The following ACSL4 variants were observed in gnomAD, a reference collection of about 807,000 sequenced individuals.
ACSL4 encodes long-chain-fatty-acid--CoA ligase 4.
ACSL4 carries 9 observed loss-of-function variants against 49.1 expected under a neutral mutation model. That is an observed-to-expected ratio of 0.18 (90% CI 0.11 to 0.32). The LOEUF (loss-of-function observed/expected upper bound fraction) is 0.32. Ranked by LOEUF, ACSL4 falls within the 10% of genes least tolerant of loss-of-function variation. The pLI is 1.00. For synonymous variants in ACSL4, 191 were observed against 170.3 expected (o/e 1.12, Z -0.95); for missense variants, 333 against 493.7 (o/e 0.67, Z 3.08).
At position 109,703,516 on chromosome X, in the gene ACSL4, C is replaced by T. The variant is rs143406601; in HGVS notation, c.-65-7320G>A. Among the ~76,000 whole-genome samples the T allele has an allele frequency of 4.4e-3, 488 of 111,550 alleles. 4 individuals carry two copies. The highest frequency in any genetic ancestry group is 0.014 in the African/African-American group (423 of 30,723). On this transcript the variant is annotated intron_variant, in intron 1 of 15. Coordinates refer to ENST00000672401, the MANE Select transcript of ACSL4 (RefSeq NM_001318510.2). Reference sequence around the variant, plus strand: ...AAAGAATATAGTTTCATATTCCCACCGGCAGTATATTAATATGCCCATTTC... The same window carrying T: ...AAAGAATATAGTTTCATATTCCCACTGGCAGTATATTAATATGCCCATTTC...
intron 4 of ACSL4, 92 bp downstream of exon 4, chrX:109,682,627 A>C (rs1036313155): frequency 1.9e-6 from 2 of 1,046,017 alleles, no homozygotes; most frequent in African/African-American, 3.7e-5. Context: ...TGGCTAAACA[A>C]CACCTACTGT....
intron 8 of ACSL4, 133 bp downstream of exon 8, chrX:109,677,855 T>C (rs1278482338): frequency 1.2e-6 from 1 of 834,230 alleles, no homozygotes; most frequent in African/African-American, 2.0e-5. Context: ...AGCTACATAT[T>C]GTTCATGGAA....
chrX:109,692,008 G>A (rs1206436088), intron 2 of ACSL4: 1 of 111,846 alleles, frequency 8.9e-6, no homozygotes, highest in Admixed American at 9.5e-5. Flanking sequence ...TCTCTCACAA[G>A]ATAAACTGAA....
intron 1 of ACSL4, among the ~76,000 whole-genome samples, chrX:109,711,187 T>C (rs1399175286): frequency 8.9e-6 from 1 of 112,449 alleles, no homozygotes; most frequent in Non-Finnish European, 1.9e-5. Context: ...AGCCTCAGAG[T>C]TGCATATCAA....
At chrX:109,646,304 C>A (rs1360636812) in intron 15 of ACSL4, among the ~76,000 whole-genome samples, 2 of 111,994 alleles carry the variant, frequency 1.8e-5, no homozygotes, top group African/African-American at 6.5e-5. Context: ...GGAAGCCCAT[C>A]AGACTAACAG....
intron 14 of ACSL4, 32 bp from the exon 15 acceptor site, chrX:109,659,543 A>T (rs763482802): frequency 1.9e-6 from 2 of 1,042,729 alleles, no homozygotes; most frequent in Middle Eastern, 2.5e-4. Flanking sequence ...TAGAAATGAA[A>T]ACATTGAGAA....
At chrX:109,649,972 A>G (rs1481371398) in intron 15 of ACSL4, among the ~76,000 whole-genome samples, 4 of 109,267 alleles carry the variant, frequency 3.7e-5, no homozygotes, top group Admixed American at 9.8e-5. Flanking sequence ...CAAAACCACA[A>G]TGAGATACCA....
rs2147386465 is a variant in ACSL4, at chrX:109,659,337, A to G, written c.1855+17T>C. Reference sequence around the variant, plus strand: ...TGACTTTTAGGGACTATACCAGTCTAGCAATTTCTTACTTACTGGCATTTG... The same window carrying G: ...TGACTTTTAGGGACTATACCAGTCTGGCAATTTCTTACTTACTGGCATTTG... On this transcript the variant is annotated intron_variant, in intron 15 of 15. Coordinates refer to ENST00000672401, the MANE Select transcript of ACSL4 (RefSeq NM_001318510.2). 3.3e-6 allele frequency: 4 copies of G among 1,202,539 alleles called. No homozygotes were observed. The East Asian group carries it at 1.2e-4, about 36-fold the overall frequency.
chrX:109,653,688 A>G (rs1921365586), intron 15 of ACSL4, among the ~76,000 whole-genome samples: 1 of 109,891 alleles, frequency 9.1e-6, no homozygotes, highest in African/African-American at 3.3e-5. Context: ...CATCATTCTC[A>G]GTAAACTATC....
At chrX:109,696,934 C>G (rs1261241766) in intron 1 of ACSL4, among the ~76,000 whole-genome samples, 1 of 111,601 alleles carries the variant, frequency 9.0e-6, no homozygotes, top group Non-Finnish European at 1.9e-5. Flanking sequence ...GTCCCAACTA[C>G]TCAGGAGGCT....
At chrX:109,702,199 T>C (rs1258640841) in intron 1 of ACSL4, among the ~76,000 whole-genome samples, 1 of 110,699 alleles carries the variant, frequency 9.0e-6, no homozygotes, top group African/African-American at 3.3e-5. Flanking sequence ...TGGGCGACAA[T>C]GGCAAACCTC....
Position 109,644,021 on chromosome X carries a change from A to G in ACSL4, c.*8T>C. The G allele has an allele frequency of 8.3e-7, 1 of 1,211,370 alleles. No homozygotes were observed. Among genetic ancestry groups the G allele is most frequent in the Non-Finnish European group, 1.1e-6 (1 of 895,031 alleles). On this transcript the variant is annotated 3_prime_UTR_variant, in exon 16 of 16. Transcript: ENST00000672401. ...CTCCTGCACAACTGTCAATAAGACA[A>G]CAACATTTTATTTGCCCCCATACAT...
chrX:109,729,054 C>CA (rs34694513), intron 1 of ACSL4, among the ~76,000 whole-genome samples: 40,554 of 91,871 alleles, frequency 0.44, 7,913 homozygotes, highest in Middle Eastern at 0.64. Context: ...ACTAAAAATA[C>CA]AAAAAAAAAA....
intron 15 of ACSL4, 128 bp downstream of exon 15, chrX:109,659,226 T>C: frequency 1.6e-6 from 1 of 617,367 alleles, no homozygotes; most frequent in Middle Eastern, 3.7e-4. Context: ...CCATTATACA[T>C]ATTTAAGAAA....
Position 109,669,051 on chromosome X carries a change from A to G in ACSL4, c.1125T>C (p.Asp375=). The G allele has an allele frequency of 8.3e-7, 1 of 1,206,019 alleles. No individual in the cohort carries two copies. The highest frequency in any genetic ancestry group is 2.4e-4 in the Middle Eastern group (1 of 4,242). The change falls in exon 10 of 16, where the codon GAT becomes GAC. Residue 375 remains aspartate, a synonymous_variant. Coordinates refer to ENST00000672401, the MANE Select transcript of ACSL4 (RefSeq NM_001318510.2). Reference sequence around the variant, plus strand: ...GTACTTACAGATTGCAAAGAGGTGCATCATATCCCTTTTTGATCTGTTCCA... The same window carrying G: ...GTACTTACAGATTGCAAAGAGGTGCGTCATATCCCTTTTTGATCTGTTCCA... ...YKLEQIKKGY[D]APLCNLLLFK...
intron 8 of ACSL4, among the ~76,000 whole-genome samples, chrX:109,675,878 G>A (rs1212034009): frequency 1.8e-5 from 2 of 111,940 alleles, no homozygotes; most frequent in East Asian, 5.5e-4. Flanking sequence ...CTATCAATCG[G>A]ATAGTGTATT....
chrX:109,714,634 CTATGTTTAGA>C (rs1926988827), intron 1 of ACSL4, among the ~76,000 whole-genome samples: 2 of 111,300 alleles, frequency 1.8e-5, no homozygotes, highest in African/African-American at 6.5e-5. Flanking sequence ...AGTACCTTTT[CTATGTTTAGA>C]TATATTTAGA....
chrX:109,677,696 G>A (rs1482525971), intron 8 of ACSL4, among the ~76,000 whole-genome samples: 2 of 110,366 alleles, frequency 1.8e-5, no homozygotes, highest in Non-Finnish European at 3.8e-5. Context: ...CAGGAGAATC[G>A]CTTGAACCCG....
intron 1 of ACSL4, among the ~76,000 whole-genome samples, chrX:109,703,340 T>C (rs752793936): frequency 1.8e-5 from 2 of 111,791 alleles, no homozygotes; most frequent in South Asian, 3.7e-4. Flanking sequence ...ATTAGGAACA[T>C]TTTTAGTTTT....
Sources: gnomAD v4.1 joint callset for allele counts (sites outside exome capture counted in the v4.1 genomes callset) on GRCh38, gnomAD v4.1.1 for gene constraint, MANE v1.5 for transcripts, NCBI Gene and HGNC (gene_info 2026-07-23, HGNC 2026-07-21) for gene names.